The following CASZ1 variants were observed in gnomAD, a reference collection of about 807,000 sequenced individuals.
CASZ1 encodes the protein castor zinc finger 1.
Under a neutral mutation model 135.2 loss-of-function variants are expected in CASZ1, and 28 were observed. The observed-to-expected ratio is 0.21, with a 90% CI of 0.15 to 0.28. The LOEUF (loss-of-function observed/expected upper bound fraction) is 0.28, where lower values mean the gene tolerates loss of function less well. Ranked by LOEUF, CASZ1 falls within the 10% of genes least tolerant of loss-of-function variation. CASZ1 has a pLI of 1.00. For missense variants in CASZ1, 2,161 were observed against 2,453.3 expected (o/e 0.88, Z 2.52); for synonymous variants, 1,068 against 1,073.4 (o/e 0.99, Z 0.10).
chr1:10,759,629 G>C lies in CASZ1; in HGVS notation c.-77+1072C>G, dbSNP rs144799846. Reference sequence around the variant, plus strand: ...AGCTTCAGGGACCTACCAAACCCCAGTGCGCACCAAGGCTCCCGTCTCTGC... The same window carrying C: ...AGCTTCAGGGACCTACCAAACCCCACTGCGCACCAAGGCTCCCGTCTCTGC... On this transcript the variant is annotated intron_variant, in intron 2 of 20. Transcript: ENST00000377022. This position sits in a 1 kb window ranked among gnomAD's most constrained non-coding sequence, Gnocchi z 4.2. 3.5e-3 allele frequency among the ~76,000 whole-genome samples: 531 copies of C among 152,244 alleles called. 3 individuals carry two copies. Among genetic ancestry groups the C allele is most frequent in the African/African-American group, 0.012 (503 of 41,552 alleles).
chr1:10,695,605 G>A (rs1428132461), intron 3 of CASZ1, among the ~76,000 whole-genome samples: 2 of 30,050 alleles, frequency 6.7e-5, no homozygotes, highest in African/African-American at 2.7e-4. Flanking sequence ...GCCCCACGCC[G>A]TCTCCAGGCC....
At position 10,784,152 on chromosome 1, in the gene CASZ1, C is replaced by T. The variant is rs540159656; in HGVS notation, c.-234+12412G>A. On this transcript the variant is annotated intron_variant, in intron 1 of 20. Transcript: ENST00000377022. Reference sequence around the variant, plus strand: ...CTCTAGACCAGCCATCTCACCCTGCCCTGGGAGAGAGGAAACCTGCAGCAG... The same window carrying T: ...CTCTAGACCAGCCATCTCACCCTGCTCTGGGAGAGAGGAAACCTGCAGCAG... Among the ~76,000 whole-genome samples the T allele has an allele frequency of 9.2e-5, 14 of 152,266 alleles. No homozygotes were observed. In the South Asian group the frequency reaches 2.9e-3, roughly 32 times the overall value.
chr1:10,650,844 G>T, intron 12 of CASZ1, 89 bp from the exon 13 acceptor site: 1 of 1,597,824 alleles, frequency 6.3e-7, no homozygotes, highest in Non-Finnish European at 8.6e-7. Context: ...TGGGGCTCCA[G>T]CCGAGCCCGC....
At position 10,693,865 on chromosome 1, in the gene CASZ1, G is replaced by A. The variant is rs776039377; in HGVS notation, c.16+9C>T. The A allele has an allele frequency of 1.6e-5, 26 of 1,596,788 alleles. No homozygotes were observed. The highest frequency in any genetic ancestry group is 2.7e-5 in the African/African-American group (2 of 74,206). ...AAAGAGCCGCCCCTGCGTTCCCACC[G>A]GCCGGTACCTGTTCCAAGATCCATT... On this transcript the variant is annotated intron_variant, in intron 4 of 20. Transcript: ENST00000377022.
intron 2 of CASZ1, among the ~76,000 whole-genome samples, chr1:10,738,939 T>G (rs999990429): frequency 1.3e-5 from 2 of 149,198 alleles, no homozygotes; most frequent in African/African-American, 5.0e-5. Flanking sequence ...TTTTTTTTTT[T>G]TTTTTCACTT....
intron 2 of CASZ1, among the ~76,000 whole-genome samples, chr1:10,752,639 G>A (rs897697164): frequency 1.3e-5 from 2 of 152,234 alleles, no homozygotes; most frequent in African/African-American, 4.8e-5. Flanking sequence ...CCAGAAGGAG[G>A]TCCCAGCTGC....
chr1:10,685,787 T>C (rs1638567206), intron 4 of CASZ1, among the ~76,000 whole-genome samples: 2 of 152,218 alleles, frequency 1.3e-5, no homozygotes, highest in Admixed American at 6.5e-5. Flanking sequence ...CCACTGCCTC[T>C]GCTTCTTCAA....
rs548264840 is a variant in CASZ1, at chr1:10,644,191, C to T, written c.3868+726G>A. Among the ~76,000 whole-genome samples, 14 of 152,172 alleles carry T rather than the reference C, an allele frequency of 9.2e-5. No individual in the cohort carries two copies. The South Asian group carries it at 2.5e-3, about 27-fold the overall frequency. Reference sequence around the variant, plus strand: ...GGCCTCTGCTGGGCGGCCTGGCTCCCGCCTGCCCGTGGGTTCTGGTCTCTT... The same window carrying T: ...GGCCTCTGCTGGGCGGCCTGGCTCCTGCCTGCCCGTGGGTTCTGGTCTCTT... On this transcript the variant is annotated intron_variant, in intron 18 of 20. Coordinates refer to ENST00000377022, the MANE Select transcript of CASZ1 (RefSeq NM_001079843.3).
At chr1:10,663,053 G>A (rs1643101481) in intron 5 of CASZ1, among the ~76,000 whole-genome samples, 1 of 152,220 alleles carries the variant, frequency 6.6e-6, no homozygotes, top group South Asian at 2.1e-4. Flanking sequence ...GTGCACCCGC[G>A]AGACTGAGAC....
At position 10,665,286 on chromosome 1, in the gene CASZ1, G is replaced by A. The variant is rs1343018243; in HGVS notation, c.302C>T (p.Ala101Val). 2 of 1,612,246 alleles carry A rather than the reference G, an allele frequency of 1.2e-6. No homozygotes were observed. Among genetic ancestry groups the A allele is most frequent in the Non-Finnish European group, 8.5e-7 (1 of 1,179,004 alleles). The change falls in exon 5 of 21, where the codon GCA (alanine) becomes GTA (valine). Residue 101 changes from alanine to valine, a missense_variant. Around this residue, in one of 7 missense-constraint regions of CASZ1, gnomAD observed 590 missense variants for 609.8 expected, o/e 0.97. Transcript: ENST00000377022. ...WVNGEYSEEP[A>V]PTPVLGRIAR... ...AATCCGCCCCAACACGGGTGTGGGT[G>A]CCGGCTCCTCGCTGTACTCCCCGTT...
At chr1:10,640,343 G>T (rs1044727776) in intron 20 of CASZ1, among the ~76,000 whole-genome samples, 2 of 152,368 alleles carry the variant, frequency 1.3e-5, no homozygotes, top group African/African-American at 4.8e-5. Context: ...CGTGGTGGCT[G>T]CTTCCTGGCC....
In CASZ1 at chr1:10,755,764, T is replaced by C. The variant is rs967165957; in HGVS notation, c.-77+4937A>G. Reference sequence around the variant, plus strand: ...CTTCCCAGACCAACTCCCAGCCACATCTCTGCCCAGCCCAAGGCAACCTTG... The same window carrying C: ...CTTCCCAGACCAACTCCCAGCCACACCTCTGCCCAGCCCAAGGCAACCTTG... On this transcript the variant is annotated intron_variant, in intron 2 of 20. Transcript: ENST00000377022. This position sits in a 1 kb window ranked among gnomAD's most constrained non-coding sequence, Gnocchi z 4.3. Among the ~76,000 whole-genome samples, 16 of 151,848 alleles carry C rather than the reference T, an allele frequency of 1.1e-4. No individual in the cohort carries two copies. The highest frequency in any genetic ancestry group is 2.9e-4 in the African/African-American group (12 of 41,286).
intron 18 of CASZ1, 97 bp from the exon 19 acceptor site, chr1:10,643,408 G>T: frequency 1.2e-5 from 16 of 1,315,016 alleles, no homozygotes; most frequent in Non-Finnish European, 1.6e-5. Flanking sequence ...GGGGCAGTGT[G>T]GTCAGTAAGG....
In CASZ1 at chr1:10,726,945, G is replaced by C. The variant is rs1025143894; in HGVS notation, c.-76-21401C>G. ...TGTCAGGTAAATAGCACCATGTGGG[G>C]CTTCCTGGCCAGTTTCTCTATCACG... On this transcript the variant is annotated intron_variant, in intron 2 of 20. Transcript: ENST00000377022. This position sits in a 1 kb window ranked among gnomAD's most constrained non-coding sequence, Gnocchi z 5.7. Among the ~76,000 whole-genome samples the C allele has an allele frequency of 3.3e-5, 5 of 152,180 alleles. No individual in the cohort carries two copies. The highest frequency in any genetic ancestry group is 7.4e-5 in the Non-Finnish European group (5 of 68,016).
Position 10,643,219 on chromosome 1 carries a change from C to T in CASZ1, c.3961G>A (p.Ala1321Thr), listed in dbSNP as rs779286691. The change falls in exon 19 of 21, where the codon GCG (alanine) becomes ACG (threonine). Residue 1321 changes from alanine to threonine, a missense_variant. Ala to Thr is a moderately conservative substitution (Grantham distance 58). Around this residue, in one of 7 missense-constraint regions of CASZ1, gnomAD observed 349 missense variants for 460.8 expected, o/e 0.76. Coordinates refer to ENST00000377022, the MANE Select transcript of CASZ1 (RefSeq NM_001079843.3). ...FLLKHQMTSH[A>T]RKHMRRMLGK... The stretch of plus-strand genomic sequence containing the variant: ...AGCATCCTCCGCATGTGCTTCCGCG[C>T]GTGGGAGGTCATCTGGTGCTTGAGG... 1.6e-5 allele frequency: 25 copies of T among 1,612,692 alleles called. No individual in the cohort carries two copies. Among genetic ancestry groups the T allele is most frequent in the South Asian group, 8.8e-5 (8 of 91,036 alleles).
rs1642084118 is a variant in CASZ1, at chr1:10,638,847, G to A, written c.*95C>T. 1 of 971,558 alleles carries A rather than the reference G, an allele frequency of 1.0e-6. No individual in the cohort carries two copies. Among genetic ancestry groups the A allele is most frequent in the Non-Finnish European group, 1.2e-6 (1 of 818,006 alleles). 60.2% of individuals were successfully genotyped at this position (971,558 alleles called of 1,614,324 possible). A position where few individuals can be genotyped will look rare whatever the true frequency, so the allele number is the denominator to read the frequency against. On this transcript the variant is annotated 3_prime_UTR_variant, in exon 21 of 21. Coordinates refer to ENST00000377022, the MANE Select transcript of CASZ1 (RefSeq NM_001079843.3). The surrounding 1 kb of genome is among the most constrained non-coding windows in gnomAD (Gnocchi z 5.9). Reference sequence around the variant, plus strand: ...GACTCGGGGTCCGGAAGCACCGGCGGGGCGCGGGGCTCTGCCCAGGGGCCG... The same window carrying A: ...GACTCGGGGTCCGGAAGCACCGGCGAGGCGCGGGGCTCTGCCCAGGGGCCG...
intron 15 of CASZ1, chr1:10,648,448 G>A (rs992420601): frequency 1.5e-5 from 5 of 337,060 alleles, no homozygotes; most frequent in African/African-American, 1.1e-4. Flanking sequence ...CTTCCTTCCA[G>A]AACCTGCTCG....
At chr1:10,649,222 G>T in intron 14 of CASZ1, 30 bp from the exon 15 acceptor site, 1 of 1,610,812 alleles carries the variant, frequency 6.2e-7, no homozygotes, top group Non-Finnish European at 8.5e-7. Flanking sequence ...TTAGAGGAGA[G>T]CCTGGGGCTC....
At chr1:10,710,132 G>A (rs1639258729) in intron 2 of CASZ1, among the ~76,000 whole-genome samples, 1 of 152,208 alleles carries the variant, frequency 6.6e-6, no homozygotes, top group African/African-American at 2.4e-5. Flanking sequence ...CTTAAGAAGT[G>A]TTTTTAATCA....
Sources: allele counts gnomAD v4.1 joint callset (sites outside exome capture counted in the v4.1 genomes callset), GRCh38; gene constraint gnomAD v4.1.1; regional missense constraint gnomAD v4.1.1; non-coding constraint Gnocchi (gnomAD v3.1); transcripts MANE v1.5; gene names NCBI Gene and HGNC (gene_info 2026-07-23, HGNC 2026-07-21).